The following PDGFD variants were observed in gnomAD, a reference collection of about 807,000 sequenced individuals.
PDGFD encodes platelet derived growth factor D.
A neutral mutation model predicts 44.7 loss-of-function variants in PDGFD; 30 were observed. The ratio of observed to expected loss-of-function variants is 0.67; its 90% confidence interval spans 0.50 to 0.91. The LOEUF (loss-of-function observed/expected upper bound fraction) is 0.91. Among genes scored for constraint, PDGFD ranks in the 40% least tolerant of loss-of-function variants. The pLI is 0.00. For synonymous variants in PDGFD, 173 were observed against 168.4 expected (o/e 1.03, Z -0.21); for missense variants, 445 against 457.8 (o/e 0.97, Z 0.25).
chr11:104,097,935 A>G (rs562158010), intron 1 of PDGFD, among the ~76,000 whole-genome samples: 4 of 152,292 alleles, frequency 2.6e-5, no homozygotes, highest in African/African-American at 9.6e-5. Flanking sequence ...GATACTTAAA[A>G]TGGTTGTTCT....
chr11:104,013,482 C>T (rs1475863559), intron 1 of PDGFD, among the ~76,000 whole-genome samples: 4 of 152,094 alleles, frequency 2.6e-5, no homozygotes, highest in African/African-American at 7.2e-5. Context: ...GCCTGGCACC[C>T]GCTCGCCTGC....
At chr11:104,078,955 GGGTAGGTTAACAAA>G (rs1861006642) in intron 1 of PDGFD, among the ~76,000 whole-genome samples, 1 of 152,104 alleles carries the variant, frequency 6.6e-6, no homozygotes, top group South Asian at 2.1e-4. Flanking sequence ...CTTAGCAATT[GGGTAGGTTAACAAA>G]TGTAGTTTTC....
intron 6 of PDGFD, among the ~76,000 whole-genome samples, chr11:103,924,036 G>T (rs1858266206): frequency 6.6e-6 from 1 of 152,176 alleles, no homozygotes; most frequent in South Asian, 2.1e-4. Context: ...TGTGTAGAGA[G>T]ATAAGAAAGG....
intron 1 of PDGFD, chr11:104,037,397 T>C: frequency 2.5e-6 from 4 of 1,614,042 alleles, no homozygotes; most frequent in South Asian, 2.2e-5. Flanking sequence ...GAAAAGGCCT[T>C]GAGAGAGCAA....
At chr11:104,136,395 G>C (rs1396775664) in intron 1 of PDGFD, among the ~76,000 whole-genome samples, 1 of 152,114 alleles carries the variant, frequency 6.6e-6, no homozygotes, top group Non-Finnish European at 1.5e-5. Flanking sequence ...TCATCTCCCA[G>C]TGTAAAAAGA....
At chr11:104,075,967 G>C (rs1860952423) in intron 1 of PDGFD, among the ~76,000 whole-genome samples, 1 of 152,162 alleles carries the variant, frequency 6.6e-6, no homozygotes, top group African/African-American at 2.4e-5. Context: ...ATCTTGAATT[G>C]TAATACCCAT....
At chr11:104,156,630 A>T (rs1341108713) in intron 1 of PDGFD, among the ~76,000 whole-genome samples, 2 of 152,202 alleles carry the variant, frequency 1.3e-5, no homozygotes, top group Non-Finnish European at 2.9e-5. Context: ...CACACCCCAC[A>T]AATCAAAAAA....
intron 1 of PDGFD, among the ~76,000 whole-genome samples, chr11:104,053,723 G>A (rs1860577602): frequency 1.3e-5 from 2 of 152,130 alleles, no homozygotes; most frequent in South Asian, 4.1e-4. Flanking sequence ...CAACTGGGCA[G>A]GATATTACAA....
chr11:103,944,993 T>C (rs1858648078), intron 4 of PDGFD, among the ~76,000 whole-genome samples: 1 of 152,136 alleles, frequency 6.6e-6, no homozygotes, highest in Non-Finnish European at 1.5e-5. Flanking sequence ...TTTTCAGTCA[T>C]CCTTGTTAAA....
At chr11:104,120,464 T>C (rs543923689) in intron 1 of PDGFD, among the ~76,000 whole-genome samples, 4 of 152,054 alleles carry the variant, frequency 2.6e-5, no homozygotes, top group Non-Finnish European at 5.9e-5. Context: ...TATTACAGAA[T>C]AGCATAAGTT....
At chr11:104,089,597 A>G (rs1565331698) in intron 1 of PDGFD, among the ~76,000 whole-genome samples, 1 of 152,238 alleles carries the variant, frequency 6.6e-6, no homozygotes, top group African/African-American at 2.4e-5. Context: ...TACAAGAATT[A>G]TATCAATTGA....
chr11:104,080,816 T>A (rs188853834), intron 1 of PDGFD, among the ~76,000 whole-genome samples: 6 of 152,342 alleles, frequency 3.9e-5, no homozygotes, highest in Non-Finnish European at 1.5e-5. Flanking sequence ...CCTAGCCTCA[T>A]GAATTGCTCG....
intron 3 of PDGFD, among the ~76,000 whole-genome samples, chr11:103,968,219 A>G (rs1859050310): frequency 6.6e-6 from 1 of 152,074 alleles, no homozygotes; most frequent in Non-Finnish European, 1.5e-5. Context: ...AGCATTTCCC[A>G]GCACTCTGTT....
intron 1 of PDGFD, chr11:104,038,746 T>A (rs1168163274): frequency 6.0e-6 from 1 of 167,060 alleles, no homozygotes; most frequent in Non-Finnish European, 1.5e-5. Context: ...GGCAATAAAT[T>A]AGATTTTTTA....
At chr11:104,022,743 ATG>A (rs1341682659) in intron 1 of PDGFD, among the ~76,000 whole-genome samples, 3 of 78,940 alleles carry the variant, frequency 3.8e-5, no homozygotes, top group Admixed American at 2.3e-4. Flanking sequence ...TAAACATATA[ATG>A]TGTGTGTACA....
chr11:104,139,819 T>C (rs1359585004), intron 1 of PDGFD, among the ~76,000 whole-genome samples: 1 of 17,388 alleles, frequency 5.8e-5, no homozygotes, highest in Non-Finnish European at 9.1e-5. Flanking sequence ...GGGTGGATCA[T>C]GAGGTCAGGA....
At chr11:104,039,718 A>G (rs929908042) in intron 1 of PDGFD, among the ~76,000 whole-genome samples, 3 of 152,330 alleles carry the variant, frequency 2.0e-5, no homozygotes, top group South Asian at 4.1e-4. Flanking sequence ...AAAGTCAGGG[A>G]TAAGCAAAAT....
In PDGFD at chr11:104,163,962, G is replaced by T; in HGVS notation, c.-35C>A. ...GCGACTAGAGACAGCGTCGCTCCAA[G>T]AAAAAGCCGGGTTCTGCTCCCGGGA... On this transcript the variant is annotated 5_prime_UTR_variant, in exon 1 of 7. Transcript: ENST00000393158. The T allele has an allele frequency of 6.7e-7, 1 of 1,499,418 alleles. No homozygotes were observed. The highest frequency in any genetic ancestry group is 1.4e-5 in the South Asian group (1 of 73,256). 92.9% of individuals were successfully genotyped at this position (1,499,418 alleles called of 1,614,324 possible).
At chr11:103,966,500 G>A (rs1859022384) in intron 3 of PDGFD, among the ~76,000 whole-genome samples, 1 of 152,102 alleles carries the variant, frequency 6.6e-6, no homozygotes, top group Non-Finnish European at 1.5e-5. Context: ...TTTTATAGAA[G>A]ATAAGAATAT....
Sources: gnomAD v4.1 joint callset for allele counts (sites outside exome capture counted in the v4.1 genomes callset) on GRCh38, gnomAD v4.1.1 for gene constraint, MANE v1.5 for transcripts, NCBI Gene and HGNC (gene_info 2026-07-23, HGNC 2026-07-21) for gene names.